Variants in PLCG2 observed in about 807,000 individuals in gnomAD.
PLCG2 encodes the protein 1-phosphatidylinositol 4,5-bisphosphate phosphodiesterase gamma-2.
A neutral mutation model predicts 175.6 loss-of-function variants in PLCG2; 69 were observed. The ratio of observed to expected loss-of-function variants is 0.39; its 90% CI spans 0.32 to 0.48. PLCG2 has a LOEUF of 0.48. PLCG2 is among the 20% of genes least tolerant of loss of function. PLCG2 has a pLI of 0.91. For missense variants in PLCG2, 1,798 were observed against 1,650.9 expected (o/e 1.09, Z -1.54); for synonymous variants, 827 against 624.0 (o/e 1.33, Z -4.85).
chr16:81,746,492 G>C (rs1489550402), intron 1 of PLCG2, among the ~76,000 whole-genome samples: 1 of 152,234 alleles, frequency 6.6e-6, no homozygotes, highest in Non-Finnish European at 1.5e-5. Flanking sequence ...CGTAGTCCAA[G>C]AGCCAGGGGT....
chr16:81,904,410 T>A (rs1909276446), intron 14 of PLCG2, among the ~76,000 whole-genome samples: 1 of 152,204 alleles, frequency 6.6e-6, no homozygotes, highest in African/African-American at 2.4e-5. Context: ...TTACAGACGC[T>A]TGCCTGCGTG....
intron 13 of PLCG2, 86 bp from the exon 14 acceptor site, chr16:81,900,526 C>T (rs1315076696): frequency 1.6e-6 from 2 of 1,267,902 alleles, no homozygotes; most frequent in African/African-American, 3.0e-5. Context: ...TTCTGTCGTC[C>T]CAGGGAGCTG....
chr16:81,805,788 T>G (rs1328494684), intron 2 of PLCG2, among the ~76,000 whole-genome samples: 27 of 145,430 alleles, frequency 1.9e-4, no homozygotes, highest in Admixed American at 7.5e-4. Flanking sequence ...TTTTTGTTTT[T>G]TTTTTTTTTT....
intron 1 of PLCG2, among the ~76,000 whole-genome samples, chr16:81,753,745 G>T (rs1909861782): frequency 6.6e-6 from 1 of 152,188 alleles, no homozygotes; most frequent in Non-Finnish European, 1.5e-5. Context: ...GAACCAGGAG[G>T]TGACAGATGC....
chr16:81,949,290 A>G (rs1347569620), intron 31 of PLCG2, among the ~76,000 whole-genome samples: 1 of 152,220 alleles, frequency 6.6e-6, no homozygotes, highest in Admixed American at 6.5e-5. Flanking sequence ...ACTTGGTTGC[A>G]GGTGAGATGA....
chr16:81,914,254 G>A (rs1367735221), intron 19 of PLCG2, among the ~76,000 whole-genome samples: 1 of 152,238 alleles, frequency 6.6e-6, no homozygotes, highest in African/African-American at 2.4e-5. Flanking sequence ...GACACAACCG[G>A]ATCGGGGCCT....
chr16:81,828,347 G>A (rs534817193), intron 2 of PLCG2, among the ~76,000 whole-genome samples: 3 of 133,918 alleles, frequency 2.2e-5, no homozygotes, highest in African/African-American at 2.8e-5. Flanking sequence ...CCAAGTACAC[G>A]CCATTCTCCT....
At chr16:81,783,051 G>T (rs1910809686) in intron 1 of PLCG2, 2 of 449,266 alleles carry the variant, frequency 4.5e-6, no homozygotes, top group African/African-American at 2.0e-5. Flanking sequence ...GGACCCTGGG[G>T]AAGGTTAAGT....
intron 2 of PLCG2, among the ~76,000 whole-genome samples, chr16:81,845,583 C>T (rs75601191): frequency 0.082 from 12,565 of 152,306 alleles, 598 homozygotes; most frequent in Middle Eastern, 0.14. Context: ...ACTTGGATAG[C>T]TCCTGGGAAC....
At chr16:81,750,508 G>A (rs2143063502) in intron 1 of PLCG2, among the ~76,000 whole-genome samples, 1 of 151,190 alleles carries the variant, frequency 6.6e-6, no homozygotes, top group East Asian at 1.9e-4. Flanking sequence ...GTTGAAAGAT[G>A]TCTGCACTGT....
At chr16:81,812,609 A>C (rs570400411) in intron 2 of PLCG2, among the ~76,000 whole-genome samples, 1 of 152,188 alleles carries the variant, frequency 6.6e-6, no homozygotes, top group Non-Finnish European at 1.5e-5. Context: ...ATAGATTGCA[A>C]AATTTTTCTT....
chr16:81,895,785 G>A (rs764223941), intron 12 of PLCG2, 22 bp from the exon 13 acceptor site: 4 of 1,613,794 alleles, frequency 2.5e-6, no homozygotes, highest in African/African-American at 1.3e-5. Flanking sequence ...TGGTATTGAG[G>A]CTGCCGCGTT....
chr16:81,908,305 CCT>C, intron 16 of PLCG2, 109 bp from the exon 17 acceptor site: 1 of 970,562 alleles, frequency 1.0e-6, no homozygotes, highest in Non-Finnish European at 1.6e-6. Context: ...CTGAGGCTGG[CCT>C]CTCTATGTTA....
chr16:81,768,583 G>C (rs1187581406), intron 2 of PLCG2, among the ~76,000 whole-genome samples: 2 of 71,654 alleles, frequency 2.8e-5, no homozygotes, highest in African/African-American at 5.6e-5. Context: ...TTTTTTTCCC[G>C]AGATGGAGTT....
intron 31 of PLCG2, among the ~76,000 whole-genome samples, chr16:81,951,379 A>T (rs905660974): frequency 6.6e-6 from 1 of 152,236 alleles, no homozygotes; most frequent in South Asian, 2.1e-4. Flanking sequence ...CAGCAAATGG[A>T]TGATTACCTT....
At chr16:81,923,745 C>T (rs1273301033) in intron 22 of PLCG2, 151 bp downstream of exon 22, 1 of 565,308 alleles carries the variant, frequency 1.8e-6, no homozygotes, top group Non-Finnish European at 3.2e-6. Context: ...AGGAAGGTGG[C>T]TTGGTGCATG....
intron 21 of PLCG2, 29 bp from the exon 22 acceptor site, chr16:81,923,456 G>T: frequency 6.8e-7 from 1 of 1,465,462 alleles, no homozygotes; most frequent in South Asian, 1.1e-5. Flanking sequence ...TCCCTGGCCT[G>T]ACCTTTTCCT....
At chr16:81,846,211 ATGAC>A (rs1166425563) in intron 2 of PLCG2, among the ~76,000 whole-genome samples, 1 of 141,326 alleles carries the variant, frequency 7.1e-6, no homozygotes, top group Non-Finnish European at 1.6e-5. Context: ...AGCCAAGCCA[ATGAC>A]TGACTGGCAG....
rs369514332 is a variant in PLCG2 at position 81,910,091 on chromosome 16, TTTG to T, written c.1734-413_1734-411del. Reference sequence around the variant, plus strand: ...CCTATACTAAGGCCCTGCATCTGGTTTTGTTGTTGTTGTTGTTGAGATGGAGTC... The same window carrying T: ...CCTATACTAAGGCCCTGCATCTGGTTTTGTTGTTGTTGTTGAGATGGAGTC... On this transcript the variant is annotated intron_variant, in intron 17 of 32. Coordinates refer to ENST00000564138, the MANE Select transcript of PLCG2 (RefSeq NM_002661.5). Among the ~76,000 whole-genome samples, 368 of 151,830 alleles carry T rather than the reference TTTG, an allele frequency of 2.4e-3. 1 individual carries two copies. The highest frequency in any genetic ancestry group is 3.6e-3 in the Non-Finnish European group (244 of 67,906).
Sources: allele counts gnomAD v4.1 joint callset (sites outside exome capture counted in the v4.1 genomes callset), GRCh38; gene constraint gnomAD v4.1.1; transcripts MANE v1.5; gene names NCBI Gene and HGNC (gene_info 2026-07-23, HGNC 2026-07-21).